Variants in LSS observed in about 807,000 individuals in gnomAD.
The protein encoded by LSS is lanosterol synthase, also known as 2,3-epoxysqualene-lanosterol cyclase.
LSS carries 90 observed loss-of-function variants against 110.3 expected under a neutral mutation model. The observed-to-expected ratio is 0.82, with a 90% CI of 0.69 to 0.97. The LOEUF (loss-of-function observed/expected upper bound fraction) is 0.97, where lower values mean the gene tolerates loss of function less well. Ranked by LOEUF, LSS falls within the 50% of genes least tolerant of loss-of-function variation. The probability of loss-of-function intolerance (pLI) is 0.00; values close to 1 mark genes in which losing one functional copy is unlikely to be tolerated. For synonymous variants in LSS, 433 were observed against 400.0 expected (o/e 1.08, Z -0.98); for missense variants, 927 against 990.0 (o/e 0.94, Z 0.85).
rs549438033 is a variant in LSS at position 46,216,872 on chromosome 21, G to A, written c.648-348C>T. Among the ~76,000 whole-genome samples the A allele has an allele frequency of 6.6e-6, 1 of 152,202 alleles. No individual in the cohort carries two copies. The highest frequency in any genetic ancestry group is 1.5e-5 in the Non-Finnish European group (1 of 68,010). Reference sequence around the variant, plus strand: ...GGGGATATGGTGTGAGGGCCCCAGGGAACACTCTTGGCTATCTTTGCAACT... The same window carrying A: ...GGGGATATGGTGTGAGGGCCCCAGGAAACACTCTTGGCTATCTTTGCAACT... On this transcript the variant is annotated intron_variant, in intron 6 of 21. Transcript: ENST00000397728. The surrounding 1 kb of genome is among the most constrained non-coding windows in gnomAD (Gnocchi z 4.2).
At chr21:46,217,608 T>C (rs1268913788) in intron 6 of LSS, among the ~76,000 whole-genome samples, 1 of 152,164 alleles carries the variant, frequency 6.6e-6, no homozygotes, top group Non-Finnish European at 1.5e-5. Flanking sequence ...GGTTCAGGTC[T>C]GTGGTCCTCC....
chr21:46,196,059 C>T (rs1247048292), intron 18 of LSS, 143 bp downstream of exon 18: 1 of 828,936 alleles, frequency 1.2e-6, no homozygotes, highest in South Asian at 1.6e-5. Context: ...CGAGGTCCCC[C>T]AGAAGTCACG....
rs762477565 is a variant in LSS, at chr21:46,209,674, G to C, written c.1195-49C>G. ...AGGCTCAGCTGCCCTTGCACGGCCA[G>C]CATGGCTGCGCTGGTTTCCCGATGG... On this transcript the variant is annotated intron_variant, in intron 12 of 21. Coordinates refer to ENST00000397728, the MANE Select transcript of LSS (RefSeq NM_002340.6). The surrounding 1 kb of genome is among the most constrained non-coding windows in gnomAD (Gnocchi z 4.4). 2 of 1,507,566 alleles carry C rather than the reference G, an allele frequency of 1.3e-6. No homozygotes were observed. The highest frequency in any genetic ancestry group is 2.4e-5 in the South Asian group (2 of 84,706). 93.4% of individuals were successfully genotyped at this position (1,507,566 alleles called of 1,614,324 possible).
intron 4 of LSS, 43 bp downstream of exon 4, chr21:46,222,587 C>T (rs781470799): frequency 6.5e-7 from 1 of 1,544,550 alleles, no homozygotes; most frequent in Non-Finnish European, 8.9e-7. Flanking sequence ...CATGAGAACA[C>T]ACACATGCAC....
chr21:46,211,024 C>G (rs2080122993), intron 11 of LSS, among the ~76,000 whole-genome samples: 1 of 152,218 alleles, frequency 6.6e-6, no homozygotes, highest in Admixed American at 6.5e-5. Flanking sequence ...ACTTCTAGGA[C>G]TGGACGATCC....
intron 18 of LSS, 98 bp downstream of exon 18, chr21:46,196,104 G>T: frequency 8.1e-7 from 1 of 1,240,942 alleles, no homozygotes; most frequent in Non-Finnish European, 1.2e-6. Flanking sequence ...TTCTGGTGTA[G>T]CAACAACATA....
At chr21:46,213,902 C>T in intron 9 of LSS, 67 bp from the exon 10 acceptor site, 5 of 1,139,518 alleles carry the variant, frequency 4.4e-6, no homozygotes, top group East Asian at 2.5e-5. Flanking sequence ...GACAAGGTCT[C>T]GTCCAGATCC....
chr21:46,201,822 G>C (rs1305310662), intron 17 of LSS, among the ~76,000 whole-genome samples: 3 of 148,152 alleles, frequency 2.0e-5, no homozygotes, highest in Non-Finnish European at 3.0e-5. Context: ...TTTTGAGACG[G>C]TGTCTTGCAC....
rs1488454327 is a variant in LSS, at chr21:46,228,770, C to A, written c.-25G>T. 6.4e-7 allele frequency: 1 copy of A among 1,574,516 alleles called. No homozygotes were observed. The highest frequency in any genetic ancestry group is 2.4e-5 in the East Asian group (1 of 42,368). On this transcript the variant is annotated 5_prime_UTR_variant, in exon 1 of 22. Coordinates refer to ENST00000397728, the MANE Select transcript of LSS (RefSeq NM_002340.6). ...TTGCTGCTGCAGTGCTCTACGCCGC[C>A]CACTGCCAGCTGCCAGATGTCCGCA...
At chr21:46,218,100 C>A (rs2080229936) in intron 6 of LSS, among the ~76,000 whole-genome samples, 2 of 126,710 alleles carry the variant, frequency 1.6e-5, no homozygotes, top group Admixed American at 8.0e-5. Context: ...CTTGACCCCC[C>A]ACCCCCCACC....
intron 12 of LSS, 38 bp downstream of exon 12, chr21:46,210,650 G>C: frequency 6.2e-7 from 1 of 1,605,220 alleles, no homozygotes; most frequent in Non-Finnish European, 8.5e-7. Flanking sequence ...TGCACAGGAA[G>C]GTCAGCTGAG....
chr21:46,209,817 A>ATGC lies in LSS; in HGVS notation c.1195-193_1195-192insGCA. 6.6e-6 allele frequency among the ~76,000 whole-genome samples: 1 copy of ATGC among 152,152 alleles called. No individual in the cohort carries two copies. The highest frequency in any genetic ancestry group is 1.5e-5 in the Non-Finnish European group (1 of 68,022). On this transcript the variant is annotated intron_variant, in intron 12 of 21. Transcript: ENST00000397728. The surrounding 1 kb of genome is among the most constrained non-coding windows in gnomAD (Gnocchi z 4.4). ...AGACAAAACAGCAAAAGTCCATGAG[A>ATGC]TATGACTGAAGATGGAAGGGCGCAG...
Position 46,188,459 on chromosome 21 carries a change from A to AT in LSS, c.*2644dup. 3.5e-6 allele frequency: 1 copy of AT among 287,608 alleles called. No homozygotes were observed. Among genetic ancestry groups the AT allele is most frequent in the Non-Finnish European group, 7.2e-6 (1 of 138,592 alleles). 17.8% of individuals were successfully genotyped at this position (287,608 alleles called of 1,614,324 possible). A position where few individuals can be genotyped will look rare whatever the true frequency, so the allele number is the denominator to read the frequency against. On this transcript the variant is annotated 3_prime_UTR_variant, in exon 22 of 22. Coordinates refer to ENST00000397728, the MANE Select transcript of LSS (RefSeq NM_002340.6). Reference sequence around the variant, plus strand: ...TGAATTCAAAAATCTTTCATGACTGATTTTTAATCACACTGAGGCAAATAT... The same window carrying AT: ...TGAATTCAAAAATCTTTCATGACTGATTTTTTAATCACACTGAGGCAAATAT...
chr21:46,192,196 C>T (rs1469305570), intron 20 of LSS: 2 of 591,000 alleles, frequency 3.4e-6, no homozygotes, highest in African/African-American at 1.9e-5. Flanking sequence ...GGACACAGGC[C>T]TCCTCAGGCC....
In LSS at chr21:46,228,448, G is replaced by A; in HGVS notation, c.166C>T (p.Leu56=). The A allele has an allele frequency of 1.2e-6, 2 of 1,603,356 alleles. No individual in the cohort carries two copies. Among genetic ancestry groups the A allele is most frequent in the African/African-American group, 1.3e-5 (1 of 74,992 alleles). The change falls in exon 2 of 22, where the codon CTG becomes TTG. Residue 56 remains leucine (L), a synonymous_variant. Transcript: ENST00000397728. ...AAGCAACTTACGGTGTCCAGCCCCAGGGCGTAGGCTTCCAGGCCGGTCTGC... is the reference window on the plus strand; with the variant it reads ...AAGCAACTTACGGTGTCCAGCCCCAAGGCGTAGGCTTCCAGGCCGGTCTGC... ...REQTGLEAYA[L]GLDTKNYFKD...
At chr21:46,197,384 T>G (rs1286390666) in intron 17 of LSS, among the ~76,000 whole-genome samples, 5 of 152,140 alleles carry the variant, frequency 3.3e-5, no homozygotes, top group Non-Finnish European at 5.9e-5. Flanking sequence ...ATGTAAACTT[T>G]TCCCAGAAAA....
chr21:46,228,339 G>C, intron 2 of LSS, 95 bp downstream of exon 2: 8 of 1,413,924 alleles, frequency 5.7e-6, no homozygotes, highest in South Asian at 2.7e-5. Context: ...GTCGCTGGCC[G>C]GGTCCTCCCA....
At chr21:46,211,319 C>T (rs893706819) in intron 11 of LSS, among the ~76,000 whole-genome samples, 4 of 152,128 alleles carry the variant, frequency 2.6e-5, no homozygotes, top group Non-Finnish European at 5.9e-5. Flanking sequence ...TTAGTAGCAT[C>T]GGGGTTTCAC....
At chr21:46,218,463 A>G (rs1031378475) in intron 6 of LSS, among the ~76,000 whole-genome samples, 3 of 151,892 alleles carry the variant, frequency 2.0e-5, no homozygotes, top group Non-Finnish European at 4.4e-5. Flanking sequence ...GTCTCTACTA[A>G]AAATACAACA....
Sources: gnomAD v4.1 joint callset for allele counts (sites outside exome capture counted in the v4.1 genomes callset) on GRCh38, gnomAD v4.1.1 for gene constraint, Gnocchi (gnomAD v3.1) non-coding constraint, MANE v1.5 for transcripts, NCBI Gene and HGNC (gene_info 2026-07-23, HGNC 2026-07-21) for gene names.